The following PRKN variants were observed in gnomAD, a reference collection of about 807,000 sequenced individuals.
The protein encoded by PRKN is parkin RBR E3 ubiquitin protein ligase.
PRKN carries 56 observed loss-of-function variants against 59.5 expected under a neutral mutation model. The observed-to-expected ratio is 0.94, with a 90% CI of 0.76 to 1.18. PRKN has a LOEUF of 1.18. Ranked by LOEUF, PRKN falls within the 50% of genes most tolerant of loss-of-function variation. The probability of loss-of-function intolerance (pLI) is 0.00; values close to 1 mark genes in which losing one functional copy is unlikely to be tolerated. For synonymous variants in PRKN, 250 were observed against 222.1 expected (o/e 1.13, Z -1.12); for missense variants, 657 against 596.4 (o/e 1.10, Z -1.06).
intron 7 of PRKN, among the ~76,000 whole-genome samples, chr6:161,659,390 T>A (rs1428496401): frequency 1.3e-5 from 2 of 152,172 alleles, no homozygotes; most frequent in Non-Finnish European, 2.9e-5. Context: ...ATATGTTGAA[T>A]TTCACACACA....
At chr6:162,254,529 C>T (rs1054799312) in intron 3 of PRKN, among the ~76,000 whole-genome samples, 8 of 152,024 alleles carry the variant, frequency 5.3e-5, no homozygotes, top group Non-Finnish European at 1.2e-4. Context: ...GTTTGAGGCA[C>T]TGACCCTGAT....
intron 3 of PRKN, among the ~76,000 whole-genome samples, chr6:162,256,043 A>C (rs1779626507): frequency 6.6e-6 from 1 of 152,074 alleles, no homozygotes; most frequent in South Asian, 2.1e-4. Flanking sequence ...TCTAACACCA[A>C]AGGTAGTCAA....
intron 4 of PRKN, among the ~76,000 whole-genome samples, chr6:162,087,794 A>G (rs113727107): frequency 2.6e-5 from 4 of 151,842 alleles, no homozygotes; most frequent in Non-Finnish European, 5.9e-5. Flanking sequence ...GGGTTTCACC[A>G]TGTTGGTCAG....
chr6:162,720,418 C>T (rs916822125), intron 1 of PRKN, among the ~76,000 whole-genome samples: 3 of 149,052 alleles, frequency 2.0e-5, no homozygotes, highest in Admixed American at 6.7e-5. Context: ...TAAAAATACA[C>T]ACATCTGTCC....
At chr6:161,805,478 A>ACACACACAGG (rs61442187) in intron 6 of PRKN, among the ~76,000 whole-genome samples, 2 of 149,474 alleles carry the variant, frequency 1.3e-5, no homozygotes, top group South Asian at 2.1e-4. Flanking sequence ...ACACACACAC[A>ACACACACAGG]CATGCATGTA....
intron 6 of PRKN, among the ~76,000 whole-genome samples, chr6:161,953,306 T>C (rs1443255307): frequency 6.6e-6 from 1 of 152,130 alleles, no homozygotes; most frequent in East Asian, 1.9e-4. Context: ...AGACGGGGTT[T>C]CACCATGATG....
chr6:162,059,976 T>A (rs1298183430), intron 4 of PRKN, among the ~76,000 whole-genome samples: 1 of 152,228 alleles, frequency 6.6e-6, no homozygotes, highest in Non-Finnish European at 1.5e-5. Context: ...AAAGTTTTAT[T>A]GGCATATAGC....
intron 1 of PRKN, among the ~76,000 whole-genome samples, chr6:162,560,985 T>C (rs1779815548): frequency 1.3e-5 from 2 of 151,684 alleles, no homozygotes; most frequent in African/African-American, 4.8e-5. Context: ...GGGTCATGTC[T>C]GAGTTGAGCC....
At chr6:162,152,697 A>C (rs1487628377) in intron 4 of PRKN, among the ~76,000 whole-genome samples, 2 of 152,182 alleles carry the variant, frequency 1.3e-5, no homozygotes, top group Non-Finnish European at 2.9e-5. Flanking sequence ...CCAATTTCCC[A>C]ATATTGTCAA....
chr6:162,217,966 T>C (rs771381207), intron 3 of PRKN, among the ~76,000 whole-genome samples: 3 of 152,130 alleles, frequency 2.0e-5, no homozygotes, highest in Non-Finnish European at 4.4e-5. Flanking sequence ...AGGATCTCTA[T>C]GCAAAAGAAA....
chr6:161,718,401 G>A (rs926528534), intron 7 of PRKN, among the ~76,000 whole-genome samples: 2 of 152,162 alleles, frequency 1.3e-5, no homozygotes, highest in Non-Finnish European at 2.9e-5. Context: ...GAGGACATGG[G>A]TGCTACTTCT....
At chr6:162,321,250 C>T (rs935836345) in intron 2 of PRKN, among the ~76,000 whole-genome samples, 1 of 151,780 alleles carries the variant, frequency 6.6e-6, no homozygotes, top group African/African-American at 2.4e-5. Context: ...CAATTTTCTA[C>T]CTATAAATTT....
chr6:162,609,909 A>C (rs2128218593), intron 1 of PRKN, among the ~76,000 whole-genome samples: 1 of 152,338 alleles, frequency 6.6e-6, no homozygotes, highest in African/African-American at 2.4e-5. Context: ...ACAGACATTA[A>C]GTAAAAAACA....
In PRKN at chr6:162,424,148, C is replaced by T. The variant is rs150049721; in HGVS notation, c.171+19162G>A. ...ATGAAGATTATCAAGTGAAAGAAGGCGATATGAAGAGGCGACTTTATGATT... is the reference window on the plus strand; with the variant it reads ...ATGAAGATTATCAAGTGAAAGAAGGTGATATGAAGAGGCGACTTTATGATT... On this transcript the variant is annotated intron_variant, in intron 2 of 11. Transcript: ENST00000366898. Among the ~76,000 whole-genome samples, 210 of 152,042 alleles carry T rather than the reference C, an allele frequency of 1.4e-3. No homozygotes were observed. In the East Asian group the frequency reaches 0.014, roughly 10 times the overall value.
rs775685283 is a variant in PRKN, at chr6:161,562,494, G to A, written c.933+6861C>T. On this transcript the variant is annotated intron_variant, in intron 8 of 11. Transcript: ENST00000366898. This position sits in a 1 kb window ranked among gnomAD's most constrained non-coding sequence, Gnocchi z 4.3. ...TGGCTTCTTCTGAGAATCCCCATGG[G>A]TTTAAAATTTCCTCTACATGCTGGT... Among the ~76,000 whole-genome samples, 2 of 152,152 alleles carry A rather than the reference G, an allele frequency of 1.3e-5. No homozygotes were observed. The highest frequency in any genetic ancestry group is 2.9e-5 in the Non-Finnish European group (2 of 68,030).
rs555195682 is a variant in PRKN, at chr6:162,111,241, A to G, written c.535-57067T>C. ...AGCACTTTGGGAGGCCAAGGTGGGC[A>G]GATCACGAGGTCAGGAGATCGAGAC... On this transcript the variant is annotated intron_variant, in intron 4 of 11. Transcript: ENST00000366898. 4.6e-5 allele frequency among the ~76,000 whole-genome samples: 7 copies of G among 152,224 alleles called. No homozygotes were observed. The South Asian group carries it at 6.2e-4, about 14-fold the overall frequency.
At chr6:162,282,373 A>C (rs188660773) in intron 2 of PRKN, among the ~76,000 whole-genome samples, 5 of 149,660 alleles carry the variant, frequency 3.3e-5, no homozygotes, top group African/African-American at 9.7e-5. Context: ...CAAAGTGATA[A>C]AAATGGAAAC....
At position 161,410,470 on chromosome 6, in the gene PRKN, G is replaced by A. The variant is rs117720470; in HGVS notation, c.1084-23593C>T. On this transcript the variant is annotated intron_variant, in intron 9 of 11. Transcript: ENST00000366898. The surrounding 1 kb of genome is among the most constrained non-coding windows in gnomAD (Gnocchi z 5.3). ...GGGCTTCCCAACCAACTGTAAGGGG[G>A]CTGCTGGTTTGAGCTTTTCAGGTTT... 0.04 allele frequency among the ~76,000 whole-genome samples: 6,092 copies of A among 152,252 alleles called. 173 individuals are homozygous for A. The highest frequency in any genetic ancestry group is 0.086 in the Admixed American group (1,312 of 15,298).
intron 6 of PRKN, among the ~76,000 whole-genome samples, chr6:161,899,023 C>T (rs1001873561): frequency 1.3e-5 from 2 of 152,246 alleles, no homozygotes; most frequent in African/African-American, 4.8e-5. Flanking sequence ...CTGCCCAAAG[C>T]ATCGCTTACT....
Sources: gnomAD v4.1 joint callset for allele counts (sites outside exome capture counted in the v4.1 genomes callset) on GRCh38, gnomAD v4.1.1 for gene constraint, Gnocchi (gnomAD v3.1) non-coding constraint, MANE v1.5 for transcripts, NCBI Gene and HGNC (gene_info 2026-07-23, HGNC 2026-07-21) for gene names.